Variants in CHERP observed in about 807,000 individuals in gnomAD.
The protein encoded by CHERP is calcium homeostasis endoplasmic reticulum protein, also known as ERPROT 213-21.
A neutral mutation model predicts 113.8 loss-of-function variants in CHERP; 8 were observed. The ratio of observed to expected loss-of-function variants is 0.07; its 90% CI spans 0.04 to 0.13. CHERP has a LOEUF of 0.13. Among genes scored for constraint, CHERP ranks in the 10% least tolerant of loss-of-function variants. The pLI is 1.00. For missense variants in CHERP, 884 were observed against 1,298.2 expected (o/e 0.68, Z 4.90); for synonymous variants, 559 against 524.5 (o/e 1.07, Z -0.90).
rs1262206636 is a variant in CHERP at position 16,535,618 on chromosome 19, G to T, written c.218C>A (p.Thr73Asn). The change falls in exon 3 of 17, where the codon ACC becomes AAC. Residue 73 changes from threonine to asparagine, a missense_variant. Thr to Asn is a moderately conservative substitution (Grantham distance 65). Around this residue, in one of 8 missense-constraint regions of CHERP, gnomAD observed 109 missense variants for 134.2 expected, o/e 0.81. Transcript: ENST00000546361. This position sits in a 1 kb window ranked among gnomAD's most constrained non-coding sequence, Gnocchi z 4.3. ...GGTGGCGGCTGGCTCCAGCTCCGGG[G>T]TCTGCTGCTTGCAGATGACTGGAGG... ...EQQQLICKQQ[T>N]PELEPAATMP... 4.6e-6 allele frequency: 7 copies of T among 1,530,122 alleles called. No homozygotes were observed. Among genetic ancestry groups the T allele is most frequent in the Non-Finnish European group, 5.3e-6 (6 of 1,140,386 alleles). 94.8% of individuals were successfully genotyped at this position (1,530,122 alleles called of 1,614,324 possible). A position where few individuals can be genotyped will look rare whatever the true frequency, so the allele number is the denominator to read the frequency against.
At chr19:16,524,050 G>A (rs1369312866) in intron 10 of CHERP, among the ~76,000 whole-genome samples, 1 of 152,180 alleles carries the variant, frequency 6.6e-6, no homozygotes, top group Non-Finnish European at 1.5e-5. Context: ...CCCAGAGTTT[G>A]AGACCAGCCT....
chr19:16,537,552 T>C (rs1377646244), intron 2 of CHERP, among the ~76,000 whole-genome samples: 1 of 150,152 alleles, frequency 6.7e-6, no homozygotes, highest in Non-Finnish European at 1.5e-5. Flanking sequence ...TGTCCCCTCC[T>C]GTGCTCCCCG....
chr19:16,541,652 G>C (rs867233746), intron 2 of CHERP: 4 of 506,446 alleles, frequency 7.9e-6, no homozygotes, highest in Non-Finnish European at 1.4e-5. Context: ...CAGAGCCCAG[G>C]GGGGAGGATC....
rs1443565695 is a variant in CHERP at position 16,520,782 on chromosome 19, G to A, written c.2201+44C>T. 3.2e-6 allele frequency: 5 copies of A among 1,574,974 alleles called. No individual in the cohort carries two copies. The African/African-American group carries it at 4.0e-5, about 13-fold the overall frequency. On this transcript the variant is annotated intron_variant, in intron 13 of 16. Transcript: ENST00000546361. The surrounding 1 kb of genome is among the most constrained non-coding windows in gnomAD (Gnocchi z 4.0). ...GGTCTGCTCCCACCCATCACAAGCTGTGGACCCTGGCCCCCCGGCCACTGC... is the reference window on the plus strand; with the variant it reads ...GGTCTGCTCCCACCCATCACAAGCTATGGACCCTGGCCCCCCGGCCACTGC...
At chr19:16,536,453 G>A (rs935530985) in intron 2 of CHERP, among the ~76,000 whole-genome samples, 2 of 152,166 alleles carry the variant, frequency 1.3e-5, no homozygotes, top group Non-Finnish European at 2.9e-5. Context: ...GCCCTCCAGA[G>A]CCCCACTCCA....
chr19:16,537,262 A>C (rs2085747176), intron 2 of CHERP, among the ~76,000 whole-genome samples: 1 of 145,300 alleles, frequency 6.9e-6, no homozygotes, highest in Admixed American at 6.9e-5. Flanking sequence ...CTTGGCCTCC[A>C]TGTGTTCGCC....
At position 16,523,057 on chromosome 19, in the gene CHERP, C is replaced by T. The variant is rs983791488; in HGVS notation, c.1975G>A (p.Val659Met). ...DLPAGLMAPL[V>M]KLEDHEYKPL... Reference sequence around the variant, plus strand: ...AGCCCACTGTGGGGCATTACCTTCACGAGGGGGGCCATCAGCCCAGCAGGG... The same window carrying T: ...AGCCCACTGTGGGGCATTACCTTCATGAGGGGGGCCATCAGCCCAGCAGGG... The change falls in exon 11 of 17, where the codon GTG (valine) becomes ATG (methionine). Residue 659 changes from valine (V) to methionine (M), a missense_variant. By Grantham distance (21) the Val-to-Met change is conservative (BLOSUM62 1). Coordinates refer to ENST00000546361, the MANE Select transcript of CHERP (RefSeq NM_006387.6). The surrounding 1 kb of genome is among the most constrained non-coding windows in gnomAD (Gnocchi z 4.0). The T allele has an allele frequency of 2.6e-6, 4 of 1,511,824 alleles. No individual in the cohort carries two copies. Among genetic ancestry groups the T allele is most frequent in the South Asian group, 1.3e-5 (1 of 76,588 alleles). 93.7% of individuals were successfully genotyped at this position (1,511,824 alleles called of 1,614,324 possible). A position where few individuals can be genotyped will look rare whatever the true frequency, so the allele number is the denominator to read the frequency against.
chr19:16,526,272 C>G lies in CHERP; in HGVS notation c.1306-595G>C, dbSNP rs540756817. ...CCCTCATCAGCTTCTGCTCTGGAGA[C>G]TTAAAGCCAGGAGGGCAAACTCCAG... is the stretch of plus-strand genomic sequence containing the variant. On this transcript the variant is annotated intron_variant, in intron 9 of 16. Coordinates refer to ENST00000546361, the MANE Select transcript of CHERP (RefSeq NM_006387.6). 2.6e-5 allele frequency: 4 copies of G among 152,580 alleles called. No homozygotes were observed. The East Asian group carries it at 7.7e-4, about 29-fold the overall frequency. The allele number at this position is 152,580 out of a possible 1,614,324, so 9.5% of individuals were successfully genotyped here. A position where few individuals can be genotyped will look rare whatever the true frequency, so the allele number is the denominator to read the frequency against.
In CHERP at chr19:16,530,423, C is replaced by T. The variant is rs1292528900; in HGVS notation, c.876+162G>A. 1.3e-5 allele frequency among the ~76,000 whole-genome samples: 2 copies of T among 152,224 alleles called. No individual in the cohort carries two copies. The highest frequency in any genetic ancestry group is 2.4e-5 in the African/African-American group (1 of 41,458). On this transcript the variant is annotated intron_variant, in intron 7 of 16. Coordinates refer to ENST00000546361, the MANE Select transcript of CHERP (RefSeq NM_006387.6). The surrounding 1 kb of genome is among the most constrained non-coding windows in gnomAD (Gnocchi z 4.1). The stretch of plus-strand genomic sequence containing the variant: ...CACACCTAAGGCCTGGGAAATGTCA[C>T]CTGGGACTCTCTGGTCAACACACAC...
intron 3 of CHERP, among the ~76,000 whole-genome samples, chr19:16,534,681 G>T (rs922335156): frequency 6.6e-6 from 1 of 151,328 alleles, no homozygotes; most frequent in Non-Finnish European, 1.5e-5. Context: ...TCATCATGTT[G>T]ACCAGGCTAG....
Position 16,529,697 on chromosome 19 carries a change from T to A in CHERP, c.1080A>T (p.Pro360=). The change falls in exon 8 of 17, where the codon CCA becomes CCT. Residue 360 remains proline (P), a synonymous_variant. Coordinates refer to ENST00000546361, the MANE Select transcript of CHERP (RefSeq NM_006387.6). ...EVKATPPPPA[P]PPAPAPAPAI... ...CAGGGGCAGGTGCTGGGGCCGGGGG[T>A]GGAGCAGGCGGTGGAGGCGTGGCCT... is the stretch of plus-strand genomic sequence containing the variant. 1 of 1,575,276 alleles carries A rather than the reference T, an allele frequency of 6.3e-7. No individual in the cohort carries two copies. The highest frequency in any genetic ancestry group is 8.6e-7 in the Non-Finnish European group (1 of 1,166,314).
chr19:16,521,126 C>T, intron 12 of CHERP: 1 of 603,520 alleles, frequency 1.7e-6, no homozygotes, highest in Admixed American at 2.8e-5. Flanking sequence ...GCCCTTGCCA[C>T]CCTGCTGTTC....
Position 16,530,765 on chromosome 19 carries a change from G to A in CHERP, c.786+4C>T, listed in dbSNP as rs377470476. ...GCCCAACCCCCGGCCCGGGGCCCACGCACCCGGGCGATCTTCTGCTGCTTG... is the reference window on the plus strand; with the variant it reads ...GCCCAACCCCCGGCCCGGGGCCCACACACCCGGGCGATCTTCTGCTGCTTG... On this transcript the variant is annotated splice_donor_region_variant and intron_variant, in intron 6 of 16. Transcript: ENST00000546361. This position sits in a 1 kb window ranked among gnomAD's most constrained non-coding sequence, Gnocchi z 4.1. The A allele has an allele frequency of 1.3e-5, 21 of 1,613,790 alleles. No individual in the cohort carries two copies. The highest frequency in any genetic ancestry group is 1.7e-5 in the Admixed American group (1 of 60,004).
At position 16,530,688 on chromosome 19, in the gene CHERP, G is replaced by A; in HGVS notation, c.787-14C>T. 1 of 1,613,966 alleles carries A rather than the reference G, an allele frequency of 6.2e-7. No individual in the cohort carries two copies. The highest frequency in any genetic ancestry group is 2.2e-5 in the East Asian group (1 of 44,884). On this transcript the variant is annotated splice_polypyrimidine_tract_variant and intron_variant, in intron 6 of 16. Coordinates refer to ENST00000546361, the MANE Select transcript of CHERP (RefSeq NM_006387.6). This position sits in a 1 kb window ranked among gnomAD's most constrained non-coding sequence, Gnocchi z 4.1. ...GAGCTGCAGGAGCTGGCGGTGGGAGGAGAGAGAGGCCGGGTCAGTGGGGAG... is the reference window on the plus strand; with the variant it reads ...GAGCTGCAGGAGCTGGCGGTGGGAGAAGAGAGAGGCCGGGTCAGTGGGGAG...
At chr19:16,533,857 G>A (rs980485717) in intron 3 of CHERP, among the ~76,000 whole-genome samples, 2 of 152,096 alleles carry the variant, frequency 1.3e-5, no homozygotes, top group Non-Finnish European at 1.5e-5. Flanking sequence ...GGCAATAGAA[G>A]AAGAGGATAC....
chr19:16,518,376 T>TC lies in CHERP; in HGVS notation c.*782dup, dbSNP rs2085567826. On this transcript the variant is annotated 3_prime_UTR_variant, in exon 17 of 17. Coordinates refer to ENST00000546361, the MANE Select transcript of CHERP (RefSeq NM_006387.6). ...ACGGGCACAGACTCCGAGGCAGCGC[T>TC]CAACCTGAAGTGTCTTAGGCTGGTT... 1 of 152,092 alleles carries TC rather than the reference T, an allele frequency of 6.6e-6. No individual in the cohort carries two copies. The highest frequency in any genetic ancestry group is 6.6e-5 in the Admixed American group (1 of 15,246). The allele number at this position is 152,092 out of a possible 1,614,324, so 9.4% of individuals were successfully genotyped here.
chr19:16,524,825 C>G (rs2085645861), intron 10 of CHERP, among the ~76,000 whole-genome samples: 1 of 151,192 alleles, frequency 6.6e-6, no homozygotes, highest in African/African-American at 2.4e-5. Context: ...GTGGTGCGAT[C>G]ACAGCTCACC....
rs1316154480 is a variant in CHERP at position 16,525,367 on chromosome 19, G to T, written c.1616C>A (p.Pro539Gln). 37 of 1,493,480 alleles carry T rather than the reference G, an allele frequency of 2.5e-5. No homozygotes were observed. The highest frequency in any genetic ancestry group is 3.1e-5 in the Non-Finnish European group (35 of 1,121,840). 92.5% of individuals were successfully genotyped at this position (1,493,480 alleles called of 1,614,324 possible). A position where few individuals can be genotyped will look rare whatever the true frequency, so the allele number is the denominator to read the frequency against. Reference sequence around the variant, plus strand: ...GAAGCGGTTGAAGTTGTGGGGGTGCGGAGGCTGGTTGAACTGCGGGTGCTG... The same window carrying T: ...GAAGCGGTTGAAGTTGTGGGGGTGCTGAGGCTGGTTGAACTGCGGGTGCTG... ...HQQHPQFNQPPHPHNFNRFPP... is the reference protein window; with the variant it reads ...HQQHPQFNQPQHPHNFNRFPP... Residue 539 changes from proline (P) to glutamine (Q), a missense_variant, in exon 10 of 17, where the codon CCG (proline) becomes CAG (glutamine). Pro to Gln is a moderately conservative substitution (Grantham distance 76, BLOSUM62 -1). This residue lies in a region of CHERP where 464 missense variants were observed against 590.1 expected (regional missense o/e 0.79). Coordinates refer to ENST00000546361, the MANE Select transcript of CHERP (RefSeq NM_006387.6). The surrounding 1 kb of genome is among the most constrained non-coding windows in gnomAD (Gnocchi z 6.5).
chr19:16,522,481 G>A (rs189846002), intron 11 of CHERP, among the ~76,000 whole-genome samples: 4 of 152,046 alleles, frequency 2.6e-5, no homozygotes, highest in Admixed American at 2.0e-4. Context: ...GGATGGTCTC[G>A]ATCTCCTGAC....
Sources: allele counts gnomAD v4.1 joint callset (sites outside exome capture counted in the v4.1 genomes callset), GRCh38; gene constraint gnomAD v4.1.1; regional missense constraint gnomAD v4.1.1; non-coding constraint Gnocchi (gnomAD v3.1); transcripts MANE v1.5; gene names NCBI Gene and HGNC (gene_info 2026-07-23, HGNC 2026-07-21).